CAMK1D: variants seen among roughly 807,000 people sequenced by gnomAD.
CAMK1D encodes the protein calcium/calmodulin-dependent protein kinase type 1D.
Under a neutral mutation model 47.7 loss-of-function variants are expected in CAMK1D, and 9 were observed. That is an observed-to-expected ratio of 0.19 (90% confidence interval 0.11 to 0.33). CAMK1D has a LOEUF of 0.33. Among genes scored for constraint, CAMK1D ranks in the 10% least tolerant of loss-of-function variants. The probability of loss-of-function intolerance (pLI) is 1.00; values close to 1 mark genes in which losing one functional copy is unlikely to be tolerated. For missense variants in CAMK1D, 291 were observed against 488.7 expected (o/e 0.60, Z 3.81); for synonymous variants, 184 against 184.9 (o/e 0.99, Z 0.04).
chr10:12,724,146 G>C (rs902583468), intron 3 of CAMK1D, among the ~76,000 whole-genome samples: 1 of 152,170 alleles, frequency 6.6e-6, no homozygotes, highest in Non-Finnish European at 1.5e-5. Flanking sequence ...CGGCCACCAT[G>C]CCGGGCCAAA....
At chr10:12,774,220 T>C (rs1837171525) in intron 5 of CAMK1D, among the ~76,000 whole-genome samples, 1 of 152,072 alleles carries the variant, frequency 6.6e-6, no homozygotes, top group African/African-American at 2.4e-5. Context: ...TTAAGTACTA[T>C]GGAGAAAAAT....
At chr10:12,423,517 GAAA>G (rs931469508) in intron 1 of CAMK1D, among the ~76,000 whole-genome samples, 1 of 151,530 alleles carries the variant, frequency 6.6e-6, no homozygotes, top group Admixed American at 6.6e-5. Context: ...TGTTTCTAAA[GAAA>G]AAAAAGAAAG....
intron 1 of CAMK1D, among the ~76,000 whole-genome samples, chr10:12,361,165 G>A (rs1372901214): frequency 2.6e-5 from 4 of 151,882 alleles, no homozygotes; most frequent in African/African-American, 7.3e-5. Flanking sequence ...GGCCCTAGTC[G>A]TGATGGACAA....
chr10:12,629,809 A>G lies in CAMK1D; in HGVS notation c.225-36927A>G, dbSNP rs138775467. ...AAGGGGTTCTGGATACAGAAGGAGG[A>G]GAACATCCATTGAGACCTTCGAGTG... On this transcript the variant is annotated intron_variant, in intron 2 of 10. Transcript: ENST00000619168. Among the ~76,000 whole-genome samples the G allele has an allele frequency of 7.5e-4, 115 of 152,332 alleles. 2 individuals carry two copies. The East Asian group carries it at 0.01, about 14-fold the overall frequency.
intron 1 of CAMK1D, among the ~76,000 whole-genome samples, chr10:12,453,251 G>A (rs1245586341): frequency 6.7e-6 from 1 of 150,010 alleles, no homozygotes; most frequent in Non-Finnish European, 1.5e-5. Context: ...GTGCAGTGGT[G>A]CAGTCTTGGC....
intron 2 of CAMK1D, among the ~76,000 whole-genome samples, chr10:12,630,291 C>A (rs948839153): frequency 6.6e-6 from 1 of 151,822 alleles, no homozygotes; most frequent in African/African-American, 2.4e-5. Flanking sequence ...CCTTAAATCC[C>A]CCTTCTGCCC....
chr10:12,749,106 T>C (rs920532207), intron 3 of CAMK1D, among the ~76,000 whole-genome samples: 2 of 152,208 alleles, frequency 1.3e-5, no homozygotes, highest in Non-Finnish European at 2.9e-5. Flanking sequence ...CCTTGACTGA[T>C]AGTCTTTGCT....
intron 1 of CAMK1D, among the ~76,000 whole-genome samples, chr10:12,382,065 A>T (rs1223826675): frequency 1.3e-5 from 2 of 152,146 alleles, no homozygotes; most frequent in Non-Finnish European, 2.9e-5. Flanking sequence ...TCATTTTTTT[A>T]TCAGTGTTGT....
chr10:12,711,874 C>A (rs1564511205), intron 3 of CAMK1D, among the ~76,000 whole-genome samples: 1 of 152,136 alleles, frequency 6.6e-6, no homozygotes, highest in Non-Finnish European at 1.5e-5. Context: ...TAACTTGGTC[C>A]AAAATAAAAT....
At chr10:12,638,051 G>A (rs1327517380) in intron 2 of CAMK1D, among the ~76,000 whole-genome samples, 1 of 152,140 alleles carries the variant, frequency 6.6e-6, no homozygotes, top group African/African-American at 2.4e-5. Flanking sequence ...GGGGGATTCC[G>A]ATATCCTTGT....
intron 1 of CAMK1D, among the ~76,000 whole-genome samples, chr10:12,389,958 A>G (rs935433280): frequency 1.3e-5 from 2 of 151,972 alleles, no homozygotes; most frequent in African/African-American, 4.8e-5. Flanking sequence ...CCTGTGGGTC[A>G]TCTTTGTGCT....
At chr10:12,352,667 G>A (rs2131828994) in intron 1 of CAMK1D, among the ~76,000 whole-genome samples, 1 of 151,688 alleles carries the variant, frequency 6.6e-6, no homozygotes, top group East Asian at 1.9e-4. Flanking sequence ...ATAGCATAAT[G>A]TTATCTAAAC....
intron 3 of CAMK1D, among the ~76,000 whole-genome samples, chr10:12,714,805 C>CACACACACACACAA (rs1169447579): frequency 8.1e-5 from 12 of 149,028 alleles, no homozygotes; most frequent in African/African-American, 3.0e-4. Context: ...CACACACACA[C>CACACACACACACAA]AATGTCTGAT....
chr10:12,781,813 G>A (rs1463308471), intron 5 of CAMK1D, among the ~76,000 whole-genome samples: 1 of 151,884 alleles, frequency 6.6e-6, no homozygotes, highest in Non-Finnish European at 1.5e-5. Flanking sequence ...CACTGCACCT[G>A]GTTTTTATAT....
chr10:12,603,300 G>T lies in CAMK1D; in HGVS notation c.224+49944G>T, dbSNP rs202042633. Among the ~76,000 whole-genome samples the T allele has an allele frequency of 6.6e-5, 10 of 152,114 alleles. No individual in the cohort carries two copies. In the East Asian group the frequency reaches 1.4e-3, roughly 21 times the overall value. On this transcript the variant is annotated intron_variant, in intron 2 of 10. Transcript: ENST00000619168. ...CCTCCTCCCCGCCCAGACTGGCTCT[G>T]CCTGCTGCGTCCTGCTGGGACACCA...
chr10:12,379,153 C>A (rs1441794062), intron 1 of CAMK1D, among the ~76,000 whole-genome samples: 5 of 152,160 alleles, frequency 3.3e-5, no homozygotes, highest in Non-Finnish European at 7.3e-5. Flanking sequence ...CTTTGAGGTA[C>A]TATTTTGAAG....
chr10:12,620,207 A>AAAAT (rs1838954867), intron 2 of CAMK1D, among the ~76,000 whole-genome samples: 2 of 151,110 alleles, frequency 1.3e-5, no homozygotes, highest in Admixed American at 1.3e-4. Context: ...AAAAAAAAAA[A>AAAAT]AAAAAAAAAA....
chr10:12,507,972 C>A (rs1338066411), intron 1 of CAMK1D, among the ~76,000 whole-genome samples: 1 of 152,166 alleles, frequency 6.6e-6, no homozygotes, highest in East Asian at 1.9e-4. Context: ...TCTCTGAATG[C>A]CCTGGGAAGC....
At chr10:12,754,305 C>T (rs1463527292) in intron 3 of CAMK1D, among the ~76,000 whole-genome samples, 1 of 152,168 alleles carries the variant, frequency 6.6e-6, no homozygotes, top group Non-Finnish European at 1.5e-5. Flanking sequence ...CCTCCCTCCA[C>T]CCTCAAAGCC....
Sources: allele counts gnomAD v4.1 joint callset (sites outside exome capture counted in the v4.1 genomes callset), GRCh38; gene constraint gnomAD v4.1.1; transcripts MANE v1.5; gene names NCBI Gene and HGNC (gene_info 2026-07-23, HGNC 2026-07-21).